Variants in CSMD1 observed in about 807,000 individuals in gnomAD.
The protein encoded by CSMD1 is CUB and sushi domain-containing protein 1.
Under a neutral mutation model 417.5 loss-of-function variants are expected in CSMD1, and 213 were observed. That is an observed-to-expected ratio of 0.51 (90% CI 0.46 to 0.57). The LOEUF (loss-of-function observed/expected upper bound fraction) is 0.57. Among genes scored for constraint, CSMD1 ranks in the 20% least tolerant of loss-of-function variants. The probability of loss-of-function intolerance (pLI) is 0.00; values close to 1 mark genes in which losing one functional copy is unlikely to be tolerated. For synonymous variants in CSMD1, 2,862 were observed against 1,736.8 expected (o/e 1.65, Z -16.11); for missense variants, 6,923 against 4,529.7 (o/e 1.53, Z -15.17).
At position 3,823,655 on chromosome 8, in the gene CSMD1, C is replaced by G. The variant is rs1010082824; in HGVS notation, c.819-69613G>C. Among the ~76,000 whole-genome samples, 4 of 151,924 alleles carry G rather than the reference C, an allele frequency of 2.6e-5. No homozygotes were observed. In the East Asian group the frequency reaches 5.8e-4, roughly 22 times the overall value. ...AAAATAATGTATAACAATAAAAATACAAAATCATTTACACGTTTTATGCAA... is the reference window on the plus strand; with the variant it reads ...AAAATAATGTATAACAATAAAAATAGAAAATCATTTACACGTTTTATGCAA... On this transcript the variant is annotated intron_variant, in intron 5 of 69. Transcript: ENST00000635120.
At chr8:3,707,959 C>A (rs574824963) in intron 7 of CSMD1, among the ~76,000 whole-genome samples, 1 of 152,196 alleles carries the variant, frequency 6.6e-6, no homozygotes, top group Non-Finnish European at 1.5e-5. Flanking sequence ...CTTGTTTTCT[C>A]TTTGGAAGGA....
intron 1 of CSMD1, among the ~76,000 whole-genome samples, chr8:4,803,143 G>A (rs759277863): frequency 2.4e-4 from 36 of 152,142 alleles, no homozygotes; most frequent in African/African-American, 2.4e-4. Flanking sequence ...CCATACAATG[G>A]ACTATATATG....
chr8:3,068,795 C>T lies in CSMD1; in HGVS notation c.7475-16148G>A, dbSNP rs192579867. The stretch of plus-strand genomic sequence containing the variant: ...GCAATAAGTCGTGAGGGATCCACCC[C>T]CATGATCCAAACATCTCCCACCAGA... On this transcript the variant is annotated intron_variant, in intron 49 of 69. Transcript: ENST00000635120. Among the ~76,000 whole-genome samples the T allele has an allele frequency of 3.3e-3, 497 of 152,244 alleles. 1 individual carries two copies. Among genetic ancestry groups the T allele is most frequent in the African/African-American group, 0.012 (487 of 41,562 alleles).
Position 3,359,317 on chromosome 8 carries a change from C to A in CSMD1, c.3139G>T (p.Asp1047Tyr), listed in dbSNP as rs1213988357. 1 of 1,613,178 alleles carries A rather than the reference C, an allele frequency of 6.2e-7. No individual in the cohort carries two copies. The highest frequency in any genetic ancestry group is 8.5e-7 in the Non-Finnish European group (1 of 1,179,682). Residue 1047 changes from aspartate (D) to tyrosine (Y), a missense_variant, in exon 21 of 70, where the codon GAT becomes TAT. Coordinates refer to ENST00000635120, the MANE Select transcript of CSMD1 (RefSeq NM_033225.6). The part of the protein sequence containing the change: ...FSEYDLEPCD[D>Y]PGVPAFSRRI... Reference sequence around the variant, plus strand: ...CGGCTGAAGGCAGGGACTCCAGGATCATCACATGGCTCCAGGTCATATTCT... The same window carrying A: ...CGGCTGAAGGCAGGGACTCCAGGATAATCACATGGCTCCAGGTCATATTCT...
At chr8:4,193,109 T>G (rs535375350) in intron 3 of CSMD1, among the ~76,000 whole-genome samples, 4 of 152,216 alleles carry the variant, frequency 2.6e-5, no homozygotes, top group African/African-American at 2.4e-5. Context: ...TAAATTTACT[T>G]TGAATTCTCT....
At chr8:4,731,910 G>A (rs181815835) in intron 1 of CSMD1, among the ~76,000 whole-genome samples, 1 of 151,932 alleles carries the variant, frequency 6.6e-6, no homozygotes. Flanking sequence ...CATTCTTATA[G>A]GGCCAAAGAT....
intron 7 of CSMD1, among the ~76,000 whole-genome samples, chr8:3,658,742 C>A (rs2117436337): frequency 6.6e-6 from 1 of 152,206 alleles, no homozygotes; most frequent in East Asian, 1.9e-4. Context: ...AAGATCGTGC[C>A]ACTGAACTTC....
At chr8:4,976,668 G>A (rs900966282) in intron 1 of CSMD1, among the ~76,000 whole-genome samples, 1 of 152,168 alleles carries the variant, frequency 6.6e-6, no homozygotes, top group South Asian at 2.1e-4. Flanking sequence ...TAAATAGGAT[G>A]AGAAGGTATT....
intron 1 of CSMD1, among the ~76,000 whole-genome samples, chr8:4,654,396 A>G (rs570721534): frequency 3.2e-4 from 48 of 152,144 alleles, no homozygotes; most frequent in Admixed American, 2.4e-3. Context: ...GATGCTCTCT[A>G]TTCTGGGGAA....
At chr8:4,808,119 G>A (rs1344746936) in intron 1 of CSMD1, among the ~76,000 whole-genome samples, 1 of 152,184 alleles carries the variant, frequency 6.6e-6, no homozygotes, top group East Asian at 1.9e-4. Flanking sequence ...TTTCCTGGGT[G>A]CTACACAAAA....
chr8:3,904,484 T>C (rs1807976008), intron 5 of CSMD1, among the ~76,000 whole-genome samples: 1 of 152,208 alleles, frequency 6.6e-6, no homozygotes, highest in South Asian at 2.1e-4. Flanking sequence ...GCCATGGTTG[T>C]TCTACGGTGC....
intron 10 of CSMD1, among the ~76,000 whole-genome samples, chr8:3,570,015 G>C (rs1250682312): frequency 2.0e-5 from 3 of 152,180 alleles, no homozygotes; most frequent in East Asian, 1.9e-4. Flanking sequence ...GTCTGCATAA[G>C]TGTACACAAA....
chr8:4,367,418 G>C (rs879934650), intron 3 of CSMD1, among the ~76,000 whole-genome samples: 4 of 152,074 alleles, frequency 2.6e-5, no homozygotes, highest in African/African-American at 4.8e-5. Flanking sequence ...ATTGGTCTAT[G>C]TGTCTATTTC....
intron 3 of CSMD1, among the ~76,000 whole-genome samples, chr8:4,264,305 A>G (rs1804091104): frequency 6.6e-6 from 1 of 152,230 alleles, no homozygotes; most frequent in Non-Finnish European, 1.5e-5. Context: ...TAGAATTTCA[A>G]AAAGCATGAC....
chr8:3,665,538 T>C (rs1189352169), intron 7 of CSMD1, among the ~76,000 whole-genome samples: 2 of 152,006 alleles, frequency 1.3e-5, no homozygotes, highest in African/African-American at 2.4e-5. Flanking sequence ...CAAAGATATA[T>C]ATATTTGTCA....
intron 1 of CSMD1, among the ~76,000 whole-genome samples, chr8:4,657,904 A>C (rs998740304): frequency 1.3e-5 from 2 of 152,106 alleles, no homozygotes; most frequent in Non-Finnish European, 2.9e-5. Context: ...AGTTATAAAA[A>C]AATACAAATA....
At chr8:4,366,638 G>A (rs191149728) in intron 3 of CSMD1, among the ~76,000 whole-genome samples, 8 of 152,002 alleles carry the variant, frequency 5.3e-5, no homozygotes, top group African/African-American at 1.7e-4. Context: ...CATGAGAGAT[G>A]GTATCTCATC....
At chr8:3,207,010 G>C (rs1797331494) in intron 30 of CSMD1, among the ~76,000 whole-genome samples, 3 of 152,034 alleles carry the variant, frequency 2.0e-5, no homozygotes. Context: ...TACCATGCTG[G>C]CTGTGGCCTG....
At chr8:3,155,530 G>C (rs1218229173) in intron 39 of CSMD1, among the ~76,000 whole-genome samples, 1 of 151,368 alleles carries the variant, frequency 6.6e-6, no homozygotes, top group African/African-American at 2.4e-5. Flanking sequence ...ACCACGCCCA[G>C]CTAATTTTTT....
Sources: gnomAD v4.1 joint callset for allele counts (sites outside exome capture counted in the v4.1 genomes callset) on GRCh38, gnomAD v4.1.1 for gene constraint, MANE v1.5 for transcripts, NCBI Gene and HGNC (gene_info 2026-07-23, HGNC 2026-07-21) for gene names.